The following ASPA variants were observed in gnomAD, a reference collection of about 807,000 sequenced individuals.
The protein encoded by ASPA is aspartoacylase, also known as ACY-2.
ASPA carries 25 observed loss-of-function variants against 29.6 expected under a neutral mutation model. The ratio of observed to expected loss-of-function variants is 0.85; its 90% CI spans 0.62 to 1.18. ASPA has a LOEUF of 1.18. ASPA is among the 50% of genes most tolerant of loss of function. ASPA has a pLI of 0.00. For missense variants in ASPA, 333 were observed against 385.7 expected (o/e 0.86, Z 1.14); for synonymous variants, 131 against 130.3 (o/e 1.01, Z -0.04).
At chr17:3,494,536 C>G in intron 5 of ASPA, 77 bp downstream of exon 5, 1 of 1,230,348 alleles carries the variant, frequency 8.1e-7, no homozygotes, top group South Asian at 1.2e-5. Flanking sequence ...GCTCATACAG[C>G]ACTTCGCGTA....
chr17:3,492,847 T>C (rs1242979332), intron 4 of ASPA, among the ~76,000 whole-genome samples: 1 of 151,514 alleles, frequency 6.6e-6, no homozygotes, highest in Non-Finnish European at 1.5e-5. Context: ...AGCAAAACAA[T>C]AAAAAAAATC....
rs573413633 is a variant in ASPA, at chr17:3,488,385, G to A, written c.527-850G>A. ...ATAAAATTAAAACCAGGCCAAGCAC[G>A]ACGGCTCACGCCTGTAATCCCAGCA... On this transcript the variant is annotated intron_variant, in intron 3 of 5. Coordinates refer to ENST00000263080, the MANE Select transcript of ASPA (RefSeq NM_000049.4). The surrounding 1 kb of genome is among the most constrained non-coding windows in gnomAD (Gnocchi z 6.1). Among the ~76,000 whole-genome samples the A allele has an allele frequency of 2.6e-5, 4 of 152,298 alleles. No individual in the cohort carries two copies. Among genetic ancestry groups the A allele is most frequent in the South Asian group, 4.1e-4 (2 of 4,828 alleles).
chr17:3,492,779 A>G (rs1268559592), intron 4 of ASPA, among the ~76,000 whole-genome samples: 1 of 152,184 alleles, frequency 6.6e-6, no homozygotes, highest in Non-Finnish European at 1.5e-5. Context: ...ACATAACAGT[A>G]AGGCCATCCC....
At position 3,488,410 on chromosome 17, in the gene ASPA, A is replaced by G. The variant is rs1467678638; in HGVS notation, c.527-825A>G. Among the ~76,000 whole-genome samples the G allele has an allele frequency of 6.6e-6, 1 of 152,182 alleles. No homozygotes were observed. Among genetic ancestry groups the G allele is most frequent in the African/African-American group, 2.4e-5 (1 of 41,454 alleles). On this transcript the variant is annotated intron_variant, in intron 3 of 5. Coordinates refer to ENST00000263080, the MANE Select transcript of ASPA (RefSeq NM_000049.4). This position sits in a 1 kb window ranked among gnomAD's most constrained non-coding sequence, Gnocchi z 6.1. ...GACGGCTCACGCCTGTAATCCCAGC[A>G]TTTGGGGAAGCCGAGAAGGGCAGAT...
intron 1 of ASPA, among the ~76,000 whole-genome samples, chr17:3,477,960 A>G (rs2073556737): frequency 6.6e-6 from 1 of 151,798 alleles, no homozygotes; most frequent in Non-Finnish European, 1.5e-5. Flanking sequence ...AGGCAGGCAG[A>G]TCATGAGGTC....
At chr17:3,493,066 C>T (rs185455068) in intron 4 of ASPA, among the ~76,000 whole-genome samples, 28 of 152,318 alleles carry the variant, frequency 1.8e-4, no homozygotes, top group African/African-American at 6.0e-4. Flanking sequence ...GACCATAACA[C>T]GCTGTGGGCC....
chr17:3,498,106 G>T (rs191893869), intron 5 of ASPA, among the ~76,000 whole-genome samples: 3 of 152,024 alleles, frequency 2.0e-5, no homozygotes, highest in Non-Finnish European at 2.9e-5. Context: ...ACCAATCCCC[G>T]TCAGAATAGA....
At chr17:3,477,075 A>G (rs1370425848) in intron 1 of ASPA, among the ~76,000 whole-genome samples, 4 of 151,884 alleles carry the variant, frequency 2.6e-5, no homozygotes, top group Admixed American at 1.3e-4. Flanking sequence ...GAATGGCGTG[A>G]ACCCGGGAGG....
chr17:3,485,280 G>A lies in ASPA; in HGVS notation c.526+1688G>A, dbSNP rs1418467273. On this transcript the variant is annotated intron_variant, in intron 3 of 5. Transcript: ENST00000263080. This position sits in a 1 kb window ranked among gnomAD's most constrained non-coding sequence, Gnocchi z 4.4. ...CCACCTTGGCCTCCCAAAGTGCTGG[G>A]ATTACAAGCGTGAGCCACCACACCT... 2.6e-5 allele frequency among the ~76,000 whole-genome samples: 4 copies of A among 152,148 alleles called. No homozygotes were observed. The highest frequency in any genetic ancestry group is 2.0e-4 in the Admixed American group (3 of 15,278).
At chr17:3,494,526 G>C (rs1471342244) in intron 5 of ASPA, 67 bp downstream of exon 5, 6 of 1,306,504 alleles carry the variant, frequency 4.6e-6, no homozygotes, top group African/African-American at 2.9e-5. Flanking sequence ...GAAGTTTATA[G>C]CTCATACAGC....
At position 3,490,369 on chromosome 17, in the gene ASPA, A is replaced by C. The variant is rs1298690862; in HGVS notation, c.634+1027A>C. ...TAAAAAGTCTATTAGTTATAAAAAA[A>C]GTTTACTTTAAAATGGAAAATAGTT... On this transcript the variant is annotated intron_variant, in intron 4 of 5. Transcript: ENST00000263080. The surrounding 1 kb of genome is among the most constrained non-coding windows in gnomAD (Gnocchi z 4.6). Among the ~76,000 whole-genome samples, 1 of 152,366 alleles carries C rather than the reference A, an allele frequency of 6.6e-6. No individual in the cohort carries two copies. The highest frequency in any genetic ancestry group is 2.1e-4 in the South Asian group (1 of 4,828).
chr17:3,494,675 G>A lies in ASPA; in HGVS notation c.744+216G>A, dbSNP rs2279567. Among the ~76,000 whole-genome samples, 124,314 of 152,084 alleles carry A rather than the reference G, an allele frequency of 0.82. 51,902 individuals are homozygous for A. The highest frequency in any genetic ancestry group is 0.9 in the Non-Finnish European group (61,419 of 67,996). On this transcript the variant is annotated intron_variant, in intron 5 of 5. Transcript: ENST00000263080. Reference sequence around the variant, plus strand: ...GTGGACACACCAGTAAGTATGGCCTGCACGCTCAATGGAATTTATAGTGTA... The same window carrying A: ...GTGGACACACCAGTAAGTATGGCCTACACGCTCAATGGAATTTATAGTGTA...
Position 3,503,202 on chromosome 17 carries a change from G to A in ASPA, c.*4114G>A, listed in dbSNP as rs2074010340. ...TTTACCAAAAATACTAACATTATCT[G>A]GAATGAATGAATGAATGAATGAATG... On this transcript the variant is annotated 3_prime_UTR_variant, in exon 6 of 6. Coordinates refer to ENST00000263080, the MANE Select transcript of ASPA (RefSeq NM_000049.4). 1 of 151,570 alleles carries A rather than the reference G, an allele frequency of 6.6e-6. No homozygotes were observed. The highest frequency in any genetic ancestry group is 1.5e-5 in the Non-Finnish European group (1 of 67,908). 9.4% of individuals were successfully genotyped at this position (151,570 alleles called of 1,614,324 possible).
chr17:3,486,252 A>T (rs991897092), intron 3 of ASPA, among the ~76,000 whole-genome samples: 1 of 152,154 alleles, frequency 6.6e-6, no homozygotes, highest in Non-Finnish European at 1.5e-5. Context: ...TCATTTTTAT[A>T]ATGGGCAGTA....
rs1356687358 is a variant in ASPA, at chr17:3,499,702, T to C, written c.*614T>C. 1 of 152,300 alleles carries C rather than the reference T, an allele frequency of 6.6e-6. No individual in the cohort carries two copies. The highest frequency in any genetic ancestry group is 1.5e-5 in the Non-Finnish European group (1 of 68,136). 9.4% of individuals were successfully genotyped at this position (152,300 alleles called of 1,614,324 possible). A position where few individuals can be genotyped will look rare whatever the true frequency, so the allele number is the denominator to read the frequency against. On this transcript the variant is annotated 3_prime_UTR_variant, in exon 6 of 6. Transcript: ENST00000263080. ...CATGTGAGACTGCGAACTTAGTGAA[T>C]GTTGTGTGAGTTCTAACTGCTCTAC...
At chr17:3,481,560 C>T in intron 1 of ASPA, 43 bp from the exon 2 acceptor site, 1 of 1,541,866 alleles carries the variant, frequency 6.5e-7, no homozygotes, top group Non-Finnish European at 8.9e-7. Flanking sequence ...TATATTATCT[C>T]AGGCACAGAT....
rs1293731404 is a variant in ASPA, at chr17:3,502,664, A to G, written c.*3576A>G. The G allele has an allele frequency of 6.6e-6, 1 of 152,262 alleles. No individual in the cohort carries two copies. Among genetic ancestry groups the G allele is most frequent in the African/African-American group, 2.4e-5 (1 of 41,452 alleles). 9.4% of individuals were successfully genotyped at this position (152,262 alleles called of 1,614,324 possible). On this transcript the variant is annotated 3_prime_UTR_variant, in exon 6 of 6. Coordinates refer to ENST00000263080, the MANE Select transcript of ASPA (RefSeq NM_000049.4). ...GTCCACAAACAGTAACCCACACAGC[A>G]TTGCTACTGTGGCATGCCCACTGCT...
At chr17:3,480,338 G>A (rs1042945132) in intron 1 of ASPA, among the ~76,000 whole-genome samples, 15 of 152,222 alleles carry the variant, frequency 9.9e-5, no homozygotes, top group African/African-American at 1.4e-4. Context: ...CAGTCTCCCC[G>A]AAAATTCAGA....
intron 2 of ASPA, among the ~76,000 whole-genome samples, chr17:3,482,366 A>C (rs906802613): frequency 5.3e-5 from 8 of 152,176 alleles, no homozygotes; most frequent in Admixed American, 5.2e-4. Context: ...AATCATTTTA[A>C]GGCTCAGAAA....
Sources: allele counts gnomAD v4.1 joint callset (sites outside exome capture counted in the v4.1 genomes callset), GRCh38; gene constraint gnomAD v4.1.1; non-coding constraint Gnocchi (gnomAD v3.1); transcripts MANE v1.5; gene names NCBI Gene and HGNC (gene_info 2026-07-23, HGNC 2026-07-21).